Variants in UNC13C observed in about 807,000 individuals in gnomAD.
The protein encoded by UNC13C is unc-13 homolog C, also known as protein unc-13 homolog C.
A neutral mutation model predicts 245.4 loss-of-function variants in UNC13C; 174 were observed. That is an observed-to-expected ratio of 0.71 (90% confidence interval 0.63 to 0.80). The LOEUF (loss-of-function observed/expected upper bound fraction) is 0.80, where lower values mean the gene tolerates loss of function less well. Ranked by LOEUF, UNC13C falls within the 30% of genes least tolerant of loss-of-function variation. UNC13C has a pLI of 0.00. For missense variants in UNC13C, 2,829 were observed against 2,602.9 expected (o/e 1.09, Z -1.89); for synonymous variants, 992 against 895.1 (o/e 1.11, Z -1.93).
intron 17 of UNC13C, among the ~76,000 whole-genome samples, chr15:54,344,927 G>A (rs2140827620): frequency 6.9e-6 from 1 of 145,022 alleles, no homozygotes; most frequent in South Asian, 2.1e-4. Flanking sequence ...ATCATCTTAT[G>A]TCTGTTCTCA....
intron 2 of UNC13C, among the ~76,000 whole-genome samples, chr15:54,130,908 A>C (rs889448231): frequency 3.9e-5 from 6 of 152,210 alleles, no homozygotes; most frequent in South Asian, 2.1e-4. Flanking sequence ...CACTACTGTA[A>C]AAGTTGCGTG....
intron 4 of UNC13C, among the ~76,000 whole-genome samples, chr15:54,211,268 A>G (rs1164736924): frequency 6.6e-6 from 1 of 152,124 alleles, no homozygotes; most frequent in Non-Finnish European, 1.5e-5. Context: ...ATTTCTATAA[A>G]TGTTATGTAG....
At chr15:54,076,073 T>TG in intron 2 of UNC13C, among the ~76,000 whole-genome samples, 1 of 149,410 alleles carries the variant, frequency 6.7e-6, no homozygotes, top group Admixed American at 6.7e-5. Context: ...CTTTTTTTTT[T>TG]TTTTTCACTT....
intron 19 of UNC13C, among the ~76,000 whole-genome samples, chr15:54,416,253 G>A (rs923730873): frequency 2.0e-5 from 3 of 152,266 alleles, no homozygotes; most frequent in East Asian, 1.9e-4. Flanking sequence ...AATAGGTTGC[G>A]AGAGTGAGAC....
Position 54,423,706 on chromosome 15 carries a change from A to G in UNC13C, c.4933+8639A>G, listed in dbSNP as rs796417766. 7.9e-5 allele frequency among the ~76,000 whole-genome samples: 12 copies of G among 152,046 alleles called. 1 individual carries two copies. Among genetic ancestry groups the G allele is most frequent in the African/African-American group, 2.9e-4 (12 of 41,544 alleles). ...AGAAAATAAAGTTGGTATTGGCTGA[A>G]AACAAGGGAACAGAGCTAACTGCAT... On this transcript the variant is annotated intron_variant, in intron 19 of 32. Transcript: ENST00000260323.
At chr15:54,416,804 T>C in intron 19 of UNC13C, 1 of 429,106 alleles carries the variant, frequency 2.3e-6, no homozygotes, top group Middle Eastern at 3.6e-4. Flanking sequence ...CTGTTCCCTA[T>C]AGCAGTTATT....
intron 30 of UNC13C, among the ~76,000 whole-genome samples, chr15:54,614,168 G>C (rs1027232144): frequency 6.6e-6 from 1 of 151,706 alleles, no homozygotes; most frequent in Admixed American, 6.6e-5. Context: ...TTAGACTCTG[G>C]CTATAATTGA....
At chr15:54,610,262 G>C (rs1900012108) in intron 30 of UNC13C, among the ~76,000 whole-genome samples, 1 of 151,918 alleles carries the variant, frequency 6.6e-6, no homozygotes, top group Non-Finnish European at 1.5e-5. Flanking sequence ...TTGAGATGGA[G>C]TCTTGCTCTG....
rs797010273 is a variant in UNC13C, at chr15:54,246,535, T to G, written c.3229-3690T>G. ...AGCTAAATTGAATATTTTTATTATT[T>G]ATATCAGTGCCTTTGTGTTTTATAA... On this transcript the variant is annotated intron_variant, in intron 7 of 32. Transcript: ENST00000260323. Among the ~76,000 whole-genome samples, 24 of 152,330 alleles carry G rather than the reference T, an allele frequency of 1.6e-4. 2 individuals carry two copies. Among genetic ancestry groups the G allele is most frequent in the African/African-American group, 5.8e-4 (24 of 41,582 alleles).
intron 14 of UNC13C, among the ~76,000 whole-genome samples, chr15:54,325,087 A>C (rs2038261149): frequency 6.6e-6 from 1 of 152,052 alleles, no homozygotes; most frequent in African/African-American, 2.4e-5. Context: ...CCTGGCATAG[A>C]AGCACAGTTA....
At position 54,532,965 on chromosome 15, in the gene UNC13C, A is replaced by T. The variant is rs1895825802; in HGVS notation, c.5595A>T (p.Leu1865=). The T allele has an allele frequency of 6.3e-7, 1 of 1,594,484 alleles. No homozygotes were observed. The highest frequency in any genetic ancestry group is 8.6e-7 in the Non-Finnish European group (1 of 1,167,386). Residue 1865 remains leucine (L), a synonymous_variant, in exon 26 of 33, where the codon CTA becomes CTT. Coordinates refer to ENST00000260323, the MANE Select transcript of UNC13C (RefSeq NM_001080534.3). ...GTATAAAACAGATGAGTTTCGAACT[A>T]AATCAAATGAGAGCAAATGGAAACA... The part of the protein sequence containing the change: ...EECIKQMSFE[L]NQMRANGNTT...
the UNC13C span, among the ~76,000 whole-genome samples, chr15:53,897,860 G>T: frequency 8.5e-5 from 13 of 152,270 alleles, no homozygotes; most frequent in Non-Finnish European, 1.8e-4. Flanking sequence ...TTTTCTCTGA[G>T]AATGCCCCGA....
the UNC13C span, among the ~76,000 whole-genome samples, chr15:53,969,488 GC>G: frequency 5.3e-5 from 8 of 152,100 alleles, no homozygotes; most frequent in South Asian, 1.7e-3. Context: ...TTTGAGGCCA[GC>G]CTGGTCAATA....
chr15:54,036,230 G>C (rs1403847994), intron 2 of UNC13C, among the ~76,000 whole-genome samples: 1 of 152,188 alleles, frequency 6.6e-6, no homozygotes, highest in Non-Finnish European at 1.5e-5. Flanking sequence ...CAAGGCTGAA[G>C]ATGTCTCTAT....
At chr15:53,900,745 C>T in the UNC13C span, among the ~76,000 whole-genome samples, 4 of 152,088 alleles carry the variant, frequency 2.6e-5, no homozygotes, top group African/African-American at 9.7e-5. Context: ...ATCAATGTCC[C>T]ATCTCAGAGA....
chr15:54,493,109 G>T (rs1388176152), intron 19 of UNC13C, among the ~76,000 whole-genome samples: 2 of 152,154 alleles, frequency 1.3e-5, no homozygotes, highest in African/African-American at 4.8e-5. Flanking sequence ...CCATGATCTG[G>T]GTTTCAGGGT....
At chr15:54,123,071 A>G (rs1161088681) in intron 2 of UNC13C, among the ~76,000 whole-genome samples, 1 of 152,034 alleles carries the variant, frequency 6.6e-6, no homozygotes, top group Non-Finnish European at 1.5e-5. Context: ...CCTGAAGTGT[A>G]GCAGAGTTTG....
rs199546727 is a variant in UNC13C, at chr15:54,015,114, A to G, written c.2211A>G (p.Gln737=). 60 of 1,612,616 alleles carry G rather than the reference A, an allele frequency of 3.7e-5. No individual in the cohort carries two copies. The highest frequency in any genetic ancestry group is 1.8e-4 in the East Asian group (8 of 44,862). Reference sequence around the variant, plus strand: ...AACCACAAGGCCAGTGGGTTGGCCAATATGATTCTTATCAGGGAGCTAATT... The same window carrying G: ...AACCACAAGGCCAGTGGGTTGGCCAGTATGATTCTTATCAGGGAGCTAATT... ...DNEPQGQWVG[Q]YDSYQGANSN... Residue 737 remains glutamine, a synonymous_variant, in exon 2 of 33, where the codon CAA becomes CAG. Coordinates refer to ENST00000260323, the MANE Select transcript of UNC13C (RefSeq NM_001080534.3).
chr15:54,499,678 A>T (rs925212321), intron 20 of UNC13C, among the ~76,000 whole-genome samples: 2 of 152,178 alleles, frequency 1.3e-5, no homozygotes, highest in Admixed American at 6.6e-5. Flanking sequence ...AAGGAGTCTG[A>T]GGTAAGCACC....
Sources: allele counts gnomAD v4.1 joint callset (sites outside exome capture counted in the v4.1 genomes callset), GRCh38; gene constraint gnomAD v4.1.1; transcripts MANE v1.5; gene names NCBI Gene and HGNC (gene_info 2026-07-23, HGNC 2026-07-21).